Variants in ICE1 observed in about 807,000 individuals in gnomAD.
ICE1 encodes interactor of little elongation complex ELL subunit 1.
A neutral mutation model predicts 192.7 loss-of-function variants in ICE1; 64 were observed. The observed-to-expected ratio is 0.33, with a 90% CI of 0.27 to 0.41. The LOEUF (loss-of-function observed/expected upper bound fraction) is 0.41. Among genes scored for constraint, ICE1 ranks in the 10% least tolerant of loss-of-function variants. The pLI is 1.00. For missense variants in ICE1, 2,708 were observed against 2,696.0 expected (o/e 1.00, Z -0.10); for synonymous variants, 1,010 against 984.5 (o/e 1.03, Z -0.49).
intron 11 of ICE1, among the ~76,000 whole-genome samples, chr5:5,456,685 C>T (rs549543821): frequency 1.3e-5 from 2 of 152,136 alleles, no homozygotes; most frequent in Middle Eastern, 3.4e-3. Context: ...CCAAGGAGCC[C>T]TGGATCCTCT....
Position 5,465,086 on chromosome 5 carries a change from G to T in ICE1, c.5752G>T (p.Ala1918Ser), listed in dbSNP as rs760682063. 1 of 1,613,694 alleles carries T rather than the reference G, an allele frequency of 6.2e-7. No homozygotes were observed. Among genetic ancestry groups the T allele is most frequent in the African/African-American group, 1.3e-5 (1 of 74,926 alleles). ...VESHDKAIAN[A>S]LKKIAEFSFD... ...GTCCCATGATAAAGCCATAGCTAAT[G>T]CCCTGAAGAAAATTGCAGAGTTTTC... Residue 1918 changes from alanine to serine, a missense_variant, in exon 13 of 19, where the codon GCC (alanine) becomes TCC (serine). Ala to Ser is a moderately conservative substitution (Grantham distance 99). Around this residue, in one of 2 missense-constraint regions of ICE1, gnomAD observed 2,366 missense variants for 2,276.6 expected, o/e 1.04. Coordinates refer to ENST00000296564, the MANE Select transcript of ICE1 (RefSeq NM_015325.3).
At chr5:5,472,532 G>A (rs952462825) in intron 15 of ICE1, among the ~76,000 whole-genome samples, 4 of 152,270 alleles carry the variant, frequency 2.6e-5, no homozygotes, top group African/African-American at 4.8e-5. Context: ...CTCAGGTTGC[G>A]AAGTCACTGA....
intron 15 of ICE1, among the ~76,000 whole-genome samples, chr5:5,472,699 T>A (rs979145208): frequency 6.6e-6 from 1 of 152,152 alleles, no homozygotes; most frequent in African/African-American, 2.4e-5. Context: ...ACTTGTGGAG[T>A]CCTTCTAGTA....
At chr5:5,457,891 G>A (rs752772520) in intron 12 of ICE1, 150 bp downstream of exon 12, 45 of 729,458 alleles carry the variant, frequency 6.2e-5, no homozygotes, top group Non-Finnish European at 8.3e-5. Context: ...TTTTTAAAAA[G>A]CATGCCACTA....
intron 17 of ICE1, among the ~76,000 whole-genome samples, chr5:5,476,776 G>A (rs1038906655): frequency 3.3e-5 from 5 of 152,244 alleles, no homozygotes; most frequent in Non-Finnish European, 7.4e-5. Context: ...CTCCAGCACT[G>A]GGGATTACAA....
intron 12 of ICE1, among the ~76,000 whole-genome samples, chr5:5,458,810 G>C (rs936730660): frequency 2.6e-5 from 4 of 152,158 alleles, no homozygotes; most frequent in African/African-American, 7.2e-5. Flanking sequence ...GGAGTGGGGG[G>C]ATAGTCAGAA....
intron 1 of ICE1, among the ~76,000 whole-genome samples, chr5:5,431,016 T>A (rs953950805): frequency 5.9e-5 from 9 of 152,218 alleles, no homozygotes; most frequent in African/African-American, 2.2e-4. Context: ...TCTGTAAAAC[T>A]GATGAAATAG....
At chr5:5,435,668 T>TGTTTGTTTG (rs1483667159) in intron 1 of ICE1, among the ~76,000 whole-genome samples, 2 of 123,184 alleles carry the variant, frequency 1.6e-5, no homozygotes, top group African/African-American at 2.9e-5. Context: ...TTTTTTTTTT[T>TGTTTGTTTG]TTTTGTTTTG....
chr5:5,448,895 C>A (rs1199232193), intron 10 of ICE1, among the ~76,000 whole-genome samples: 1 of 152,188 alleles, frequency 6.6e-6, no homozygotes, highest in Non-Finnish European at 1.5e-5. Flanking sequence ...TGACTAGATT[C>A]TTTGTCTCTT....
chr5:5,476,715 A>G (rs1739324805), intron 17 of ICE1, among the ~76,000 whole-genome samples: 3 of 152,174 alleles, frequency 2.0e-5, no homozygotes, highest in Admixed American at 6.5e-5. Flanking sequence ...GGCCCAAGGC[A>G]TTCATGAGGG....
At chr5:5,487,079 C>T (rs963446279) in intron 18 of ICE1, among the ~76,000 whole-genome samples, 1 of 152,278 alleles carries the variant, frequency 6.6e-6, no homozygotes, top group East Asian at 1.9e-4. Flanking sequence ...TCTCTTCCTG[C>T]GGCTAACATT....
intron 1 of ICE1, among the ~76,000 whole-genome samples, chr5:5,429,261 C>G (rs558247010): frequency 3.5e-4 from 54 of 152,116 alleles, no homozygotes; most frequent in Non-Finnish European, 5.1e-4. Context: ...TCCAGACCCC[C>G]ACAAGGAAAG....
At chr5:5,451,166 A>C (rs1219013491) in intron 10 of ICE1, among the ~76,000 whole-genome samples, 1 of 152,180 alleles carries the variant, frequency 6.6e-6, no homozygotes, top group Non-Finnish European at 1.5e-5. Flanking sequence ...ACACACAAAA[A>C]ACCTCTCTTT....
At position 5,461,852 on chromosome 5, in the gene ICE1, GAAAATAACA is replaced by G; in HGVS notation, c.2520_2528del (p.Glu840_Asn843delinsAsp). 1 of 1,613,984 alleles carries G rather than the reference GAAAATAACA, an allele frequency of 6.2e-7. No individual in the cohort carries two copies. Among genetic ancestry groups the G allele is most frequent in the Non-Finnish European group, 8.5e-7 (1 of 1,179,888 alleles). On this transcript the variant is annotated inframe_deletion, in exon 13 of 19. Coordinates refer to ENST00000296564, the MANE Select transcript of ICE1 (RefSeq NM_015325.3). ...AACACCCAAGCCTGATCTTCTTAGA[GAAAATAACA>G]ATCCTGTAGAATTCAAGACCACTGC...
At chr5:5,455,221 C>G (rs191762928) in intron 11 of ICE1, among the ~76,000 whole-genome samples, 102 of 152,304 alleles carry the variant, frequency 6.7e-4, no homozygotes, top group Admixed American at 6.5e-3. Flanking sequence ...GAAACCTCCA[C>G]CTTATTTTCC....
At chr5:5,445,783 A>C (rs1738201711) in intron 7 of ICE1, among the ~76,000 whole-genome samples, 1 of 150,804 alleles carries the variant, frequency 6.6e-6, no homozygotes, top group South Asian at 2.1e-4. Context: ...CCTAGACTGG[A>C]GTGCAGTGGC....
At chr5:5,483,938 C>T (rs1452559244) in intron 17 of ICE1, among the ~76,000 whole-genome samples, 1 of 152,200 alleles carries the variant, frequency 6.6e-6, no homozygotes, top group Non-Finnish European at 1.5e-5. Flanking sequence ...GAAAACCCTG[C>T]TGTCTTTATC....
At chr5:5,448,241 T>C (rs1455692313) in intron 10 of ICE1, among the ~76,000 whole-genome samples, 1 of 152,168 alleles carries the variant, frequency 6.6e-6, no homozygotes, top group African/African-American at 2.4e-5. Context: ...ACCAAGTATA[T>C]AAGAAAATGT....
rs1739746101 is a variant in ICE1, at chr5:5,489,890, T to G, written c.*560T>G. The stretch of plus-strand genomic sequence containing the variant: ...TTAGCAGAAACCCACTTTAATGCAT[T>G]TTCTTCATATCCCTAAAGTTCCTTA... On this transcript the variant is annotated 3_prime_UTR_variant, in exon 19 of 19. Coordinates refer to ENST00000296564, the MANE Select transcript of ICE1 (RefSeq NM_015325.3). The G allele has an allele frequency of 1.3e-5, 2 of 152,226 alleles. No individual in the cohort carries two copies. The allele number at this position is 152,226 out of a possible 1,614,324, so 9.4% of individuals were successfully genotyped here. A position where few individuals can be genotyped will look rare whatever the true frequency, so the allele number is the denominator to read the frequency against.
Sources: gnomAD v4.1 joint callset for allele counts (sites outside exome capture counted in the v4.1 genomes callset) on GRCh38, gnomAD v4.1.1 for gene constraint, gnomAD v4.1.1 regional missense constraint, MANE v1.5 for transcripts, NCBI Gene and HGNC (gene_info 2026-07-23, HGNC 2026-07-21) for gene names.